Variants in RAB27B observed in about 807,000 individuals in gnomAD.
RAB27B encodes the protein RAB27B, member RAS oncogene family, also known as ras-related protein Rab-27B.
A neutral mutation model predicts 24.6 loss-of-function variants in RAB27B; 15 were observed. The ratio of observed to expected loss-of-function variants is 0.61; its 90% CI spans 0.41 to 0.94. The LOEUF is 0.94. Ranked by LOEUF, RAB27B falls within the 40% of genes least tolerant of loss-of-function variation. The pLI is 0.00. For synonymous variants in RAB27B, 105 were observed against 92.5 expected, an observed-to-expected ratio of 1.14 and a Z score of -0.78; for missense variants, 261 against 266.8, an observed-to-expected ratio of 0.98 and a Z score of 0.15.
At chr18:54,720,109 A>T (rs1240183452) in intron 2 of RAB27B, among the ~76,000 whole-genome samples, 2 of 152,130 alleles carry the variant, frequency 1.3e-5, no homozygotes, top group Non-Finnish European at 2.9e-5. Flanking sequence ...GACCTAATCA[A>T]ATGAAGACAG....
intron 1 of RAB27B, among the ~76,000 whole-genome samples, chr18:54,846,647 T>C (rs1911350864): frequency 6.6e-6 from 1 of 152,136 alleles, no homozygotes; most frequent in Non-Finnish European, 1.5e-5. Flanking sequence ...TTCCAGGCAA[T>C]AGAGGCCAAA....
At chr18:54,769,183 CT>C (rs1182122718) in intron 2 of RAB27B, among the ~76,000 whole-genome samples, 1 of 152,090 alleles carries the variant, frequency 6.6e-6, no homozygotes, top group African/African-American at 2.4e-5. Flanking sequence ...AGGTACAGGC[CT>C]TGGATAAATA....
chr18:54,853,435 G>GTATA (rs367586113), intron 1 of RAB27B, among the ~76,000 whole-genome samples: 6 of 151,820 alleles, frequency 4.0e-5, no homozygotes, highest in African/African-American at 1.5e-4. Flanking sequence ...CTTGCTTTAT[G>GTATA]TATATATATA....
chr18:54,754,909 G>A (rs1457164611), intron 2 of RAB27B, among the ~76,000 whole-genome samples: 3 of 152,154 alleles, frequency 2.0e-5, no homozygotes, highest in Admixed American at 6.5e-5. Flanking sequence ...GTTTTGAGGT[G>A]GAGTTGATTT....
intron 4 of RAB27B, 29 bp downstream of exon 4, chr18:54,884,465 C>T: frequency 6.8e-7 from 1 of 1,462,052 alleles, no homozygotes; most frequent in Non-Finnish European, 9.6e-7. Flanking sequence ...TGTGCATTGG[C>T]CGCTTTGGGA....
chr18:54,799,734 A>G (rs56384362), intron 2 of RAB27B, among the ~76,000 whole-genome samples: 2 of 142,646 alleles, frequency 1.4e-5, no homozygotes, highest in East Asian at 2.1e-4. Context: ...GGTTCATGCC[A>G]TTCTCCTGCG....
intron 2 of RAB27B, among the ~76,000 whole-genome samples, chr18:54,723,795 T>C (rs567271288): frequency 5.9e-5 from 9 of 152,238 alleles, no homozygotes; most frequent in Non-Finnish European, 1.3e-4. Context: ...TGAGTACTTA[T>C]TTAAAACACC....
chr18:54,728,875 C>CAAAAAAA (rs56161105), intron 2 of RAB27B, among the ~76,000 whole-genome samples: 1 of 36,654 alleles, frequency 2.7e-5, no homozygotes, highest in African/African-American at 1.2e-4. Flanking sequence ...GACTCTGTCT[C>CAAAAAAA]AAAAAAAAAA....
intron 2 of RAB27B, among the ~76,000 whole-genome samples, chr18:54,762,987 C>T (rs1007357756): frequency 1.3e-5 from 2 of 152,238 alleles, no homozygotes; most frequent in Admixed American, 6.5e-5. Context: ...TATTTTCCTT[C>T]AAATTTATTT....
At chr18:54,750,531 T>C (rs1271487684) in intron 2 of RAB27B, among the ~76,000 whole-genome samples, 1 of 151,172 alleles carries the variant, frequency 6.6e-6, no homozygotes, top group Non-Finnish European at 1.5e-5. Flanking sequence ...TTGACAGCTC[T>C]CCCAGAGTTA....
At chr18:54,860,103 G>C (rs1018999768) in intron 1 of RAB27B, among the ~76,000 whole-genome samples, 2 of 152,074 alleles carry the variant, frequency 1.3e-5, no homozygotes, top group Non-Finnish European at 2.9e-5. Context: ...GGGTTTTGTG[G>C]CTCCCTATTA....
chr18:54,780,523 G>A (rs773883145), intron 2 of RAB27B, among the ~76,000 whole-genome samples: 59 of 150,300 alleles, frequency 3.9e-4, no homozygotes, highest in Non-Finnish European at 7.7e-4. Context: ...CTTTCTTGAT[G>A]GCTTCCCCCT....
intron 2 of RAB27B, among the ~76,000 whole-genome samples, chr18:54,819,401 A>G (rs1198986802): frequency 1.3e-5 from 2 of 149,840 alleles, no homozygotes; most frequent in Admixed American, 1.3e-4. Flanking sequence ...GCATAGTGGC[A>G]TGCAGCTGTA....
intron 2 of RAB27B, among the ~76,000 whole-genome samples, chr18:54,795,503 A>C (rs1434105880): frequency 6.6e-6 from 1 of 152,222 alleles, no homozygotes; most frequent in African/African-American, 2.4e-5. Context: ...TTTATGCAGC[A>C]GGGAAGAAAT....
chr18:54,836,251 A>G (rs749800691), intron 1 of RAB27B, among the ~76,000 whole-genome samples: 2 of 151,982 alleles, frequency 1.3e-5, no homozygotes, highest in East Asian at 1.9e-4. Context: ...ATTTCCCTCA[A>G]ATTATATTGT....
intron 1 of RAB27B, among the ~76,000 whole-genome samples, chr18:54,871,724 C>G (rs1912472472): frequency 1.3e-5 from 2 of 151,952 alleles, no homozygotes; most frequent in South Asian, 4.2e-4. Flanking sequence ...GTGGCGGGCA[C>G]CTTTAGTCCC....
intron 2 of RAB27B, among the ~76,000 whole-genome samples, chr18:54,785,025 G>A (rs913004612): frequency 1.3e-5 from 2 of 151,764 alleles, no homozygotes; most frequent in African/African-American, 4.8e-5. Context: ...TATGCCTCCA[G>A]CCACAATGTC....
intron 2 of RAB27B, among the ~76,000 whole-genome samples, chr18:54,775,486 C>A (rs1037540848): frequency 6.6e-6 from 1 of 152,134 alleles, no homozygotes; most frequent in Non-Finnish European, 1.5e-5. Flanking sequence ...TTTCATCATG[C>A]GGAAACTCTT....
chr18:54,754,092 C>T (rs56032974), intron 2 of RAB27B, among the ~76,000 whole-genome samples: 9,705 of 152,280 alleles, frequency 0.064, 395 homozygotes, highest in African/African-American at 0.091. Flanking sequence ...TAACTCTCAT[C>T]TTGAATTGTA....
Sources: gnomAD v4.1 joint callset for allele counts (sites outside exome capture counted in the v4.1 genomes callset) on GRCh38, gnomAD v4.1.1 for gene constraint, MANE v1.5 for transcripts, NCBI Gene and HGNC (gene_info 2026-07-23, HGNC 2026-07-21) for gene names.